The following SLC25A13 variants were observed in gnomAD, a reference collection of about 807,000 sequenced individuals.
The protein encoded by SLC25A13 is solute carrier family 25 member 13.
A neutral mutation model predicts 85.5 loss-of-function variants in SLC25A13; 70 were observed. That is an observed-to-expected ratio of 0.82 (90% CI 0.68 to 1.00). The LOEUF (loss-of-function observed/expected upper bound fraction) is 1.00. Ranked by LOEUF, SLC25A13 falls within the 50% of genes least tolerant of loss-of-function variation. The pLI, the probability that SLC25A13 is intolerant of heterozygous loss-of-function variation, is 0.00. For missense variants in SLC25A13, 765 were observed against 819.8 expected (o/e 0.93, Z 0.82); for synonymous variants, 259 against 288.7 (o/e 0.90, Z 1.04).
chr7:96,225,592 C>A (rs1796302568), intron 4 of SLC25A13, among the ~76,000 whole-genome samples: 1 of 151,876 alleles, frequency 6.6e-6, no homozygotes, highest in African/African-American at 2.4e-5. Context: ...CAGGTGGGGT[C>A]CCGAGATATG....
chr7:96,243,760 C>T (rs574574164), intron 3 of SLC25A13, among the ~76,000 whole-genome samples: 1 of 152,200 alleles, frequency 6.6e-6, no homozygotes, highest in Admixed American at 6.5e-5. Context: ...TGCCAGCGCC[C>T]AAAGCAGGCC....
At chr7:96,221,103 T>C (rs1796112079) in intron 4 of SLC25A13, among the ~76,000 whole-genome samples, 1 of 152,174 alleles carries the variant, frequency 6.6e-6, no homozygotes, top group Non-Finnish European at 1.5e-5. Context: ...CTGATACTAC[T>C]ATCTTTCAAA....
chr7:96,140,909 G>A (rs1447807397), intron 14 of SLC25A13, among the ~76,000 whole-genome samples: 1 of 151,778 alleles, frequency 6.6e-6, no homozygotes, highest in African/African-American at 2.4e-5. Flanking sequence ...GTCCTCTTTG[G>A]AGAAATATCT....
At chr7:96,321,877 G>C in intron 1 of SLC25A13, 65 bp downstream of exon 1, 2 of 1,484,108 alleles carry the variant, frequency 1.3e-6, no homozygotes, top group South Asian at 1.3e-5. Context: ...GTGAGCGCCC[G>C]AGCCTCTCGC....
chr7:96,151,715 G>A (rs1173023076), intron 13 of SLC25A13, among the ~76,000 whole-genome samples: 1 of 152,160 alleles, frequency 6.6e-6, no homozygotes, highest in African/African-American at 2.4e-5. Context: ...GGTCAAGGCA[G>A]GTGGATCACC....
intron 6 of SLC25A13, among the ~76,000 whole-genome samples, chr7:96,192,697 T>C (rs1455240791): frequency 2.0e-5 from 3 of 152,088 alleles, no homozygotes; most frequent in Admixed American, 1.3e-4. Flanking sequence ...TTTTTTTTTT[T>C]TTTGCCTTAG....
In SLC25A13 at chr7:96,292,459, G is replaced by C. The variant is rs558015531; in HGVS notation, c.69+4439C>G. ...ATCAGGCAGGAGAAAGAAATAAAGG[G>C]TATTCAATTAGGAAAAGAGGAAGTC... On this transcript the variant is annotated intron_variant, in intron 2 of 17. Coordinates refer to ENST00000265631, the MANE Select transcript of SLC25A13 (RefSeq NM_014251.3). Among the ~76,000 whole-genome samples, 609 of 152,208 alleles carry C rather than the reference G, an allele frequency of 4.0e-3. 3 individuals are homozygous for C. Among genetic ancestry groups the C allele is most frequent in the African/African-American group, 0.014 (574 of 41,526 alleles).
At chr7:96,138,485 C>A (rs904021663) in intron 14 of SLC25A13, among the ~76,000 whole-genome samples, 1 of 151,368 alleles carries the variant, frequency 6.6e-6, no homozygotes, top group Non-Finnish European at 1.5e-5. Context: ...AGCCTTGACC[C>A]CCTGGGCTCA....
intron 3 of SLC25A13, among the ~76,000 whole-genome samples, chr7:96,243,685 C>T (rs758502101): frequency 1.5e-4 from 23 of 152,190 alleles, no homozygotes; most frequent in Admixed American, 3.3e-4. Context: ...GTATTGAGAT[C>T]TGAATGGTGA....
intron 1 of SLC25A13, among the ~76,000 whole-genome samples, chr7:96,308,017 G>A (rs1004224612): frequency 6.6e-6 from 1 of 152,074 alleles, no homozygotes; most frequent in African/African-American, 2.4e-5. Flanking sequence ...GCCGGGCACG[G>A]TGGCACATGC....
intron 10 of SLC25A13, 135 bp downstream of exon 10, chr7:96,184,792 T>C (rs750665689): frequency 6.9e-5 from 55 of 801,826 alleles, no homozygotes; most frequent in Non-Finnish European, 1.1e-4. Context: ...TTGCCCTACC[T>C]CACAGGTAGA....
At chr7:96,121,810 A>C in intron 16 of SLC25A13, 29 bp downstream of exon 16, 1 of 1,614,184 alleles carries the variant, frequency 6.2e-7, no homozygotes, top group Non-Finnish European at 8.5e-7. Context: ...GATACCAAAG[A>C]GTTAGTTAAG....
intron 13 of SLC25A13, among the ~76,000 whole-genome samples, chr7:96,162,769 CAA>C (rs1205391322): frequency 2.0e-5 from 3 of 152,092 alleles, no homozygotes; most frequent in Non-Finnish European, 2.9e-5. Context: ...CAGAGGGATG[CAA>C]AGTCACTGTG....
intron 4 of SLC25A13, among the ~76,000 whole-genome samples, chr7:96,233,168 T>C (rs549435797): frequency 6.6e-6 from 1 of 152,318 alleles, no homozygotes; most frequent in African/African-American, 2.4e-5. Flanking sequence ...CCAGACTTGC[T>C]GGGGAAAGTA....
At chr7:96,264,378 A>T (rs1223857015) in intron 3 of SLC25A13, among the ~76,000 whole-genome samples, 1 of 152,062 alleles carries the variant, frequency 6.6e-6, no homozygotes, top group East Asian at 1.9e-4. Flanking sequence ...CAATACCTCA[A>T]CCTGCACCTC....
intron 5 of SLC25A13, among the ~76,000 whole-genome samples, chr7:96,207,081 T>G (rs1795490980): frequency 6.6e-6 from 1 of 152,182 alleles, no homozygotes. Flanking sequence ...CAACTCACAT[T>G]ACATTCTCCA....
chr7:96,277,798 T>TA (rs5885954), intron 2 of SLC25A13, among the ~76,000 whole-genome samples: 121 of 147,034 alleles, frequency 8.2e-4, no homozygotes, highest in Middle Eastern at 3.5e-3. Flanking sequence ...CATAGCTTTT[T>TA]AAAAAAAAAA....
In SLC25A13 at chr7:96,130,452, G is replaced by A. The variant is rs574859567; in HGVS notation, c.1591+1291C>T. Among the ~76,000 whole-genome samples the A allele has an allele frequency of 2.6e-5, 4 of 152,270 alleles. No homozygotes were observed. In the South Asian group the frequency reaches 8.3e-4, roughly 32 times the overall value. On this transcript the variant is annotated intron_variant, in intron 15 of 17. Coordinates refer to ENST00000265631, the MANE Select transcript of SLC25A13 (RefSeq NM_014251.3). ...GAGCCTCACACACACTCTGTAGCAGGTGCAGTTGTGATCTCCATTTATAGC... is the reference window on the plus strand; with the variant it reads ...GAGCCTCACACACACTCTGTAGCAGATGCAGTTGTGATCTCCATTTATAGC...
intron 2 of SLC25A13, 121 bp from the exon 3 acceptor site, chr7:96,277,459 T>C: frequency 1.1e-6 from 1 of 915,550 alleles, no homozygotes; most frequent in Non-Finnish European, 1.7e-6. Context: ...TATGATCATG[T>C]ACGCTTCATA....
Sources: allele counts gnomAD v4.1 joint callset (sites outside exome capture counted in the v4.1 genomes callset), GRCh38; gene constraint gnomAD v4.1.1; transcripts MANE v1.5; gene names NCBI Gene and HGNC (gene_info 2026-07-23, HGNC 2026-07-21).